The following NBEA variants were observed in gnomAD, a reference collection of about 807,000 sequenced individuals.
NBEA encodes lysosomal-trafficking regulator 2.
NBEA carries 44 observed loss-of-function variants against 343.4 expected under a neutral mutation model. The observed-to-expected ratio is 0.13, with a 90% CI of 0.10 to 0.16. NBEA has a LOEUF of 0.16. NBEA is among the 10% of genes least tolerant of loss of function. The pLI, the probability that NBEA is intolerant of heterozygous loss-of-function variation, is 1.00. For synonymous variants in NBEA, 1,175 were observed against 1,238.7 expected (o/e 0.95, Z 1.08); for missense variants, 2,555 against 3,631.3 (o/e 0.70, Z 7.62).
At chr13:35,295,118 T>TAATATATAAATATAATATTTATAATA (rs2036040719) in intron 35 of NBEA, among the ~76,000 whole-genome samples, 1 of 148,176 alleles carries the variant, frequency 6.7e-6, no homozygotes, top group Non-Finnish European at 1.5e-5. Flanking sequence ...TATTTATATT[T>TAATATATAAATATAATATTTATAATA]AATATATAAA....
Position 35,013,075 on chromosome 13 carries a change from A to T in NBEA, c.295-27858A>T, listed in dbSNP as rs2061538379. Among the ~76,000 whole-genome samples, 3 of 152,220 alleles carry T rather than the reference A, an allele frequency of 2.0e-5. 1 individual carries two copies. In the South Asian group the frequency reaches 6.2e-4, roughly 32 times the overall value. On this transcript the variant is annotated intron_variant, in intron 1 of 58. Transcript: ENST00000379939. ...GTTGAAAACTAAATATTTAAATGTT[A>T]TTTTAAAGCTACTTACAAATATACT...
chr13:35,332,446 A>T (rs940001351), intron 36 of NBEA, among the ~76,000 whole-genome samples: 2 of 152,154 alleles, frequency 1.3e-5, no homozygotes, highest in Admixed American at 1.3e-4. Context: ...AGAGAAGTAG[A>T]CAGACATCTC....
At chr13:35,278,666 T>C (rs1204481130) in intron 34 of NBEA, among the ~76,000 whole-genome samples, 1 of 152,216 alleles carries the variant, frequency 6.6e-6, no homozygotes, top group African/African-American at 2.4e-5. Flanking sequence ...TCTGCTATCA[T>C]ATATCTTATT....
intron 17 of NBEA, among the ~76,000 whole-genome samples, chr13:35,128,621 T>A (rs892207442): frequency 1.3e-5 from 2 of 152,102 alleles, no homozygotes; most frequent in Non-Finnish European, 2.9e-5. Flanking sequence ...TGCCTGACAC[T>A]ACCTGCAGGG....
At chr13:35,019,277 C>T (rs1416860534) in intron 1 of NBEA, among the ~76,000 whole-genome samples, 1 of 150,430 alleles carries the variant, frequency 6.6e-6, no homozygotes, top group African/African-American at 2.4e-5. Context: ...TGAAATGTTC[C>T]TTTCATTAAA....
intron 41 of NBEA, among the ~76,000 whole-genome samples, chr13:35,513,994 T>C (rs2077385418): frequency 6.6e-6 from 1 of 152,126 alleles, no homozygotes; most frequent in South Asian, 2.1e-4. Context: ...ATAAAATTAA[T>C]ATACATTTTA....
intron 14 of NBEA, 89 bp from the exon 15 acceptor site, chr13:35,118,138 AT>A: frequency 1.2e-6 from 1 of 863,756 alleles, no homozygotes; most frequent in South Asian, 2.5e-5. Flanking sequence ...ACTAACTCTT[AT>A]TTTCTTTTAC....
chr13:34,996,806 G>A (rs1240454730), intron 1 of NBEA, among the ~76,000 whole-genome samples: 1 of 152,096 alleles, frequency 6.6e-6, no homozygotes, highest in Non-Finnish European at 1.5e-5. Context: ...TATGTATTAT[G>A]TGTTAAGTAA....
At chr13:35,118,022 CTT>C (rs373684814) in intron 14 of NBEA, among the ~76,000 whole-genome samples, 18 of 151,116 alleles carry the variant, frequency 1.2e-4, no homozygotes, top group Non-Finnish European at 1.5e-4. Context: ...ATACTAATGA[CTT>C]TTAAAAATTG....
At chr13:35,472,751 A>G (rs2152959147) in intron 41 of NBEA, among the ~76,000 whole-genome samples, 1 of 152,338 alleles carries the variant, frequency 6.6e-6, no homozygotes, top group Non-Finnish European at 1.5e-5. Context: ...ACATTTTAAC[A>G]GTCTTTCTAT....
chr13:35,430,648 A>C (rs981808398), intron 38 of NBEA, among the ~76,000 whole-genome samples: 4 of 152,112 alleles, frequency 2.6e-5, no homozygotes, highest in African/African-American at 9.7e-5. Flanking sequence ...CTTACAGAAG[A>C]ATAGGGAAGA....
chr13:35,079,480 GA>G (rs1450673502), intron 10 of NBEA, among the ~76,000 whole-genome samples: 1 of 152,086 alleles, frequency 6.6e-6, no homozygotes. Flanking sequence ...CAATAAGCCA[GA>G]ATCCAAATAT....
chr13:35,089,936 G>T (rs1444178488), intron 10 of NBEA, among the ~76,000 whole-genome samples: 1 of 146,190 alleles, frequency 6.8e-6, no homozygotes, highest in African/African-American at 2.5e-5. Context: ...GGGAGGGATA[G>T]CATTGGGAGA....
chr13:35,079,021 TA>T (rs993582559), intron 10 of NBEA, among the ~76,000 whole-genome samples: 50 of 152,062 alleles, frequency 3.3e-4, no homozygotes, highest in African/African-American at 1.1e-3. Context: ...ATTGTGTCTT[TA>T]AAAACAAAAA....
chr13:34,977,976 A>C (rs2060236102), intron 1 of NBEA, among the ~76,000 whole-genome samples: 4 of 152,064 alleles, frequency 2.6e-5, no homozygotes, highest in Admixed American at 2.6e-4. Flanking sequence ...ATTGATTAAA[A>C]AAATTTTTTT....
intron 31 of NBEA, 127 bp from the exon 32 acceptor site, chr13:35,208,573 A>T (rs1593753533): frequency 2.5e-6 from 2 of 786,776 alleles, no homozygotes; most frequent in African/African-American, 1.8e-5. Context: ...TAAGGAGTTT[A>T]AAATTTTTTT....
chr13:35,444,442 T>A (rs1006666537), intron 39 of NBEA, among the ~76,000 whole-genome samples: 3 of 151,998 alleles, frequency 2.0e-5, no homozygotes, highest in African/African-American at 7.2e-5. Context: ...AGTATTTAGG[T>A]TTGGAAATGA....
intron 1 of NBEA, among the ~76,000 whole-genome samples, chr13:34,992,238 G>GTATATATA (rs60959090): frequency 1.7e-3 from 203 of 122,124 alleles, no homozygotes; most frequent in Admixed American, 4.2e-3. Flanking sequence ...GTGTGTGTGT[G>GTATATATA]TATATATATA....
intron 41 of NBEA, among the ~76,000 whole-genome samples, chr13:35,513,219 C>T (rs1467566133): frequency 2.0e-5 from 3 of 150,730 alleles, no homozygotes; most frequent in Non-Finnish European, 4.4e-5. Flanking sequence ...TCGCTGCAAC[C>T]TCCACCTCCC....
Sources: allele counts gnomAD v4.1 joint callset (sites outside exome capture counted in the v4.1 genomes callset), GRCh38; gene constraint gnomAD v4.1.1; transcripts MANE v1.5; gene names NCBI Gene and HGNC (gene_info 2026-07-23, HGNC 2026-07-21).